Variants in GUCY1A2 observed in about 807,000 individuals in gnomAD.
The protein encoded by GUCY1A2 is guanylate cyclase 1 soluble subunit alpha 2, also known as guanylate cyclase soluble subunit alpha-2.
Under a neutral mutation model 63.5 loss-of-function variants are expected in GUCY1A2, and 27 were observed. That is an observed-to-expected ratio of 0.43 (90% confidence interval 0.31 to 0.59). The LOEUF (loss-of-function observed/expected upper bound fraction) is 0.59, where lower values mean the gene tolerates loss of function less well. GUCY1A2 is among the 20% of genes least tolerant of loss of function. The probability of loss-of-function intolerance (pLI) is 0.11; values close to 1 mark genes in which losing one functional copy is unlikely to be tolerated. For missense variants in GUCY1A2, 768 were observed against 913.3 expected, an observed-to-expected ratio of 0.84 and a Z score of 2.05; for synonymous variants, 364 against 343.5, an observed-to-expected ratio of 1.06 and a Z score of -0.66.
intron 5 of GUCY1A2, among the ~76,000 whole-genome samples, chr11:106,788,457 T>C (rs772378781): frequency 7.2e-6 from 1 of 138,464 alleles, no homozygotes; most frequent in African/African-American, 2.6e-5. Context: ...TCAAGAAATC[T>C]GCCCACTCCA....
At chr11:106,910,004 A>G (rs9971417) in intron 4 of GUCY1A2, among the ~76,000 whole-genome samples, 87,450 of 151,740 alleles carry the variant, frequency 0.58, 25,552 homozygotes, top group Admixed American at 0.64. Context: ...ACGTAGATAT[A>G]TTCACATCCT....
At chr11:106,840,807 G>A (rs1286067741) in intron 4 of GUCY1A2, among the ~76,000 whole-genome samples, 1 of 151,734 alleles carries the variant, frequency 6.6e-6, no homozygotes, top group Admixed American at 6.6e-5. Flanking sequence ...AGAAAATTCC[G>A]AACAATTCAG....
At chr11:106,689,027 A>G (rs1051234964) in intron 7 of GUCY1A2, among the ~76,000 whole-genome samples, 14 of 152,182 alleles carry the variant, frequency 9.2e-5, no homozygotes, top group African/African-American at 2.9e-4. Context: ...AAAACAATCC[A>G]TCCTCCTAAG....
At chr11:106,884,907 G>C (rs1352595789) in intron 4 of GUCY1A2, among the ~76,000 whole-genome samples, 1 of 152,086 alleles carries the variant, frequency 6.6e-6, no homozygotes, top group Non-Finnish European at 1.5e-5. Flanking sequence ...TAAAAATTCA[G>C]TCTTTTCAAA....
intron 6 of GUCY1A2, among the ~76,000 whole-genome samples, chr11:106,744,656 T>C (rs2135380974): frequency 6.6e-6 from 1 of 152,326 alleles, no homozygotes; most frequent in East Asian, 1.9e-4. Flanking sequence ...TGAAGAGCCA[T>C]ATAAAACCTG....
At chr11:106,895,919 C>T (rs1270334025) in intron 4 of GUCY1A2, among the ~76,000 whole-genome samples, 3 of 151,404 alleles carry the variant, frequency 2.0e-5, no homozygotes, top group Non-Finnish European at 2.9e-5. Context: ...ACTCAGGAGG[C>T]AGGAGAATCG....
At chr11:106,876,237 A>T (rs1167576637) in intron 4 of GUCY1A2, among the ~76,000 whole-genome samples, 1 of 152,092 alleles carries the variant, frequency 6.6e-6, no homozygotes, top group African/African-American at 2.4e-5. Flanking sequence ...GAAAAAGAAG[A>T]ATCCCTTCAG....
intron 4 of GUCY1A2, among the ~76,000 whole-genome samples, chr11:106,905,849 C>A (rs757831248): frequency 4.6e-5 from 7 of 152,134 alleles, no homozygotes; most frequent in Non-Finnish European, 1.0e-4. Context: ...ATTTCTGTGA[C>A]AAGGTTTATC....
intron 6 of GUCY1A2, among the ~76,000 whole-genome samples, chr11:106,724,488 CT>C (rs1339490587): frequency 6.6e-6 from 1 of 152,176 alleles, no homozygotes; most frequent in Non-Finnish European, 1.5e-5. Context: ...CCTTAAGTGC[CT>C]TTATCCTGTT....
chr11:106,960,388 T>C (rs1014233621), intron 3 of GUCY1A2, among the ~76,000 whole-genome samples: 1 of 152,208 alleles, frequency 6.6e-6, no homozygotes, highest in Non-Finnish European at 1.5e-5. Context: ...GATTATTTTC[T>C]GTATTGTTGT....
intron 3 of GUCY1A2, among the ~76,000 whole-genome samples, chr11:106,948,782 TTTCA>T (rs1263790009): frequency 6.6e-6 from 1 of 152,162 alleles, no homozygotes; most frequent in Admixed American, 6.5e-5. Flanking sequence ...CAGAACAGTA[TTTCA>T]ATTCAAAGGG....
intron 3 of GUCY1A2, among the ~76,000 whole-genome samples, chr11:106,954,341 T>C (rs1860953155): frequency 6.6e-6 from 1 of 152,216 alleles, no homozygotes; most frequent in Non-Finnish European, 1.5e-5. Context: ...TTCTTAATCC[T>C]GAGTTCTAAT....
intron 7 of GUCY1A2, among the ~76,000 whole-genome samples, chr11:106,691,650 GGAAA>G (rs1407013176): frequency 1.3e-5 from 2 of 152,166 alleles, no homozygotes; most frequent in Non-Finnish European, 2.9e-5. Flanking sequence ...TTGGCTGGGA[GGAAA>G]CTTTTCACAA....
intron 6 of GUCY1A2, among the ~76,000 whole-genome samples, chr11:106,754,986 A>G (rs1359781198): frequency 1.3e-5 from 2 of 152,066 alleles, no homozygotes; most frequent in African/African-American, 2.4e-5. Context: ...CTGGTCCTGG[A>G]CTTTTTTTGG....
intron 1 of GUCY1A2, among the ~76,000 whole-genome samples, chr11:107,005,691 C>A (rs1486353338): frequency 6.6e-6 from 1 of 152,068 alleles, no homozygotes; most frequent in African/African-American, 2.4e-5. Flanking sequence ...TAAATGCTGT[C>A]TGAATTAATG....
chr11:107,005,709 G>A (rs891002408), intron 1 of GUCY1A2, among the ~76,000 whole-genome samples: 3 of 152,212 alleles, frequency 2.0e-5, no homozygotes, highest in African/African-American at 7.2e-5. Flanking sequence ...ATGAATGAAT[G>A]TGAGAGGTAA....
intron 4 of GUCY1A2, among the ~76,000 whole-genome samples, chr11:106,872,794 C>A (rs1859698161): frequency 6.6e-6 from 1 of 152,034 alleles, no homozygotes; most frequent in Admixed American, 6.6e-5. Context: ...TCTTTTTTTT[C>A]TTTTTTAAAA....
intron 6 of GUCY1A2, among the ~76,000 whole-genome samples, chr11:106,719,116 CT>C (rs1863269523): frequency 6.6e-6 from 1 of 152,006 alleles, no homozygotes. Context: ...TATTAATATC[CT>C]TGTTAGTGGC....
intron 5 of GUCY1A2, among the ~76,000 whole-genome samples, chr11:106,780,460 G>A (rs1397993956): frequency 1.3e-5 from 2 of 152,124 alleles, no homozygotes; most frequent in Admixed American, 1.3e-4. Context: ...TTAAGGGATT[G>A]GGGTGGAGGG....
Sources: gnomAD v4.1 joint callset for allele counts (sites outside exome capture counted in the v4.1 genomes callset) on GRCh38, gnomAD v4.1.1 for gene constraint, MANE v1.5 for transcripts, NCBI Gene and HGNC (gene_info 2026-07-23, HGNC 2026-07-21) for gene names.